Variants in TMED6 observed in about 807,000 individuals in gnomAD.
TMED6 encodes the protein transmembrane emp24 domain-containing protein 6.
A neutral mutation model predicts 26.5 loss-of-function variants in TMED6; 17 were observed. The observed-to-expected ratio is 0.64, with a 90% CI of 0.44 to 0.96. The LOEUF (loss-of-function observed/expected upper bound fraction) is 0.96, where lower values mean the gene tolerates loss of function less well. Ranked by LOEUF, TMED6 falls within the 40% of genes least tolerant of loss-of-function variation. The pLI is 0.00. For synonymous variants in TMED6, 107 were observed against 106.2 expected (o/e 1.01, Z -0.04); for missense variants, 309 against 296.5 (o/e 1.04, Z -0.31).
At chr16:69,346,751 G>A (rs920548149) in intron 3 of TMED6, among the ~76,000 whole-genome samples, 3 of 151,946 alleles carry the variant, frequency 2.0e-5, no homozygotes, top group South Asian at 2.1e-4. Flanking sequence ...GCAAAACTCC[G>A]TCTCAAAAAA....
chr16:69,346,739 G>A (rs2012692837), intron 3 of TMED6, among the ~76,000 whole-genome samples: 1 of 151,928 alleles, frequency 6.6e-6, no homozygotes. Flanking sequence ...CCTGGACAAC[G>A]AGCAAAACTC....
chr16:69,349,501 A>G (rs775467112), intron 2 of TMED6, 24 bp downstream of exon 2: 6 of 1,609,428 alleles, frequency 3.7e-6, no homozygotes, highest in Admixed American at 3.3e-5. Context: ...GATTATTATA[A>G]TAGCCATGGT....
chr16:69,351,071 C>CA (rs1213456348), intron 1 of TMED6, among the ~76,000 whole-genome samples: 2 of 151,898 alleles, frequency 1.3e-5, no homozygotes, highest in Non-Finnish European at 2.9e-5. Flanking sequence ...TGGCCGAATA[C>CA]AAAAAACTTG....
chr16:69,347,852 C>T lies in TMED6; in HGVS notation c.425G>A (p.Gly142Glu). Residue 142 changes from glycine to glutamate, a missense_variant, in exon 3 of 4, where the codon GGG becomes GAG. Coordinates refer to ENST00000288025, the MANE Select transcript of TMED6 (RefSeq NM_144676.4). Reference sequence around the variant, plus strand: ...CTTCTGTTTGTGATCAGTCTCAGGCCCCTCATAGAAGACCCCAAAGTTGAG... The same window carrying T: ...CTTCTGTTTGTGATCAGTCTCAGGCTCCTCATAGAAGACCCCAAAGTTGAG... ...VYLNFGVFYEGPETDHKQKER... is the reference protein window; with the variant it reads ...VYLNFGVFYEEPETDHKQKER... 3.1e-6 allele frequency: 5 copies of T among 1,614,072 alleles called. No homozygotes were observed. The highest frequency in any genetic ancestry group is 4.2e-6 in the Non-Finnish European group (5 of 1,180,014).
intron 2 of TMED6, chr16:69,348,503 G>C (rs1365984203): frequency 6.6e-6 from 1 of 152,648 alleles, no homozygotes; most frequent in Non-Finnish European, 1.5e-5. Context: ...GTGGGAAGGA[G>C]CAAGGTGGAG....
chr16:69,348,331 C>CAA (rs879764191), intron 2 of TMED6: 26 of 148,118 alleles, frequency 1.8e-4, no homozygotes, highest in Non-Finnish European at 2.6e-4. Context: ...TTAGGAAAGA[C>CAA]AAAAAAAAAA....
Position 69,351,570 on chromosome 16 carries a change from G to A in TMED6, c.184C>T (p.Gln62Ter), listed in dbSNP as rs1333303542. 1 of 1,614,104 alleles carries A rather than the reference G, an allele frequency of 6.2e-7. No individual in the cohort carries two copies. Among genetic ancestry groups the A allele is most frequent in the South Asian group, 1.1e-5 (1 of 91,082 alleles). ...GTECFWQFAHQTGYFYFSYEV... is the reference protein window; with the variant it reads ...GTECFWQFAH ...TAACTGAAATAGAAGTATCCAGTCT[G>A]GTGGGCAAATTGCCAAAAGCATTCC... is the stretch of plus-strand genomic sequence containing the variant. Residue 62 changes from glutamine to a stop codon, truncating the protein, a stop_gained, in exon 1 of 4, where the codon CAG becomes TAG. Coordinates refer to ENST00000288025, the MANE Select transcript of TMED6 (RefSeq NM_144676.4). LOFTEE classifies it high-confidence loss of function.
intron 3 of TMED6, among the ~76,000 whole-genome samples, chr16:69,344,215 C>T (rs2012642690): frequency 6.6e-6 from 1 of 152,178 alleles, no homozygotes; most frequent in African/African-American, 2.4e-5. Flanking sequence ...TAGATGTACT[C>T]AGCATGTCGT....
chr16:69,345,793 AG>A (rs34148075), intron 3 of TMED6, among the ~76,000 whole-genome samples: 36,436 of 151,790 alleles, frequency 0.24, 4,581 homozygotes, highest in Middle Eastern at 0.28. Context: ...ATTCTACCTA[AG>A]CCTCCCGAGT....
chr16:69,344,562 C>T (rs1303521233), intron 3 of TMED6, among the ~76,000 whole-genome samples: 1 of 151,684 alleles, frequency 6.6e-6, no homozygotes, highest in Non-Finnish European at 1.5e-5. Context: ...TACCTGAGAT[C>T]AGGAGTTTAA....
Position 69,343,494 on chromosome 16 carries a change from A to T in TMED6, c.636T>A (p.Ile212=), listed in dbSNP as rs2012618580. The T allele has an allele frequency of 6.2e-7, 1 of 1,614,202 alleles. No individual in the cohort carries two copies. Reference sequence around the variant, plus strand: ...ACAGTTGCAGGATCCCAGAAAGAATAATAACAAGGCTCTGGGCTGTCGACC... The same window carrying T: ...ACAGTTGCAGGATCCCAGAAAGAATTATAACAAGGCTCTGGGCTGTCGACC... ...NWWSTAQSLV[I]ILSGILQLYF... The change falls in exon 4 of 4, where the codon ATT becomes ATA. Residue 212 remains isoleucine (I), a synonymous_variant. Coordinates refer to ENST00000288025, the MANE Select transcript of TMED6 (RefSeq NM_144676.4).
intron 1 of TMED6, among the ~76,000 whole-genome samples, chr16:69,350,041 G>A (rs1294457608): frequency 1.3e-5 from 2 of 152,082 alleles, no homozygotes; most frequent in Non-Finnish European, 2.9e-5. Flanking sequence ...GGAGGCCGAG[G>A]TGGGCAGATT....
rs77181689 is a variant in TMED6 at position 69,347,729 on chromosome 16, C to T, written c.489+59G>A. ...TTTCTACCTAAATGAAGTCATCTTCCCTCTGAAGTTAAAAATCAGTTTCCA... is the reference window on the plus strand; with the variant it reads ...TTTCTACCTAAATGAAGTCATCTTCTCTCTGAAGTTAAAAATCAGTTTCCA... On this transcript the variant is annotated intron_variant, in intron 3 of 3. Coordinates refer to ENST00000288025, the MANE Select transcript of TMED6 (RefSeq NM_144676.4). The T allele has an allele frequency of 1.6e-3, 2,641 of 1,601,390 alleles. 2 individuals carry two copies. The highest frequency in any genetic ancestry group is 1.9e-3 in the Non-Finnish European group (2,274 of 1,171,390).
At position 69,350,893 on chromosome 16, in the gene TMED6, C is replaced by T. The variant is rs145891972; in HGVS notation, c.213+648G>A. Among the ~76,000 whole-genome samples, 36 of 152,176 alleles carry T rather than the reference C, an allele frequency of 2.4e-4. No homozygotes were observed. In the East Asian group the frequency reaches 6.7e-3, roughly 29 times the overall value. Reference sequence around the variant, plus strand: ...TGTAAACAAAAATTAGAAAGTTAACCGATTTCTAAGATAAAGAACAAAGGA... The same window carrying T: ...TGTAAACAAAAATTAGAAAGTTAACTGATTTCTAAGATAAAGAACAAAGGA... On this transcript the variant is annotated intron_variant, in intron 1 of 3. Transcript: ENST00000288025.
chr16:69,349,570 A>T lies in TMED6; in HGVS notation c.295T>A (p.Ser99Thr). The change falls in exon 2 of 4, where the codon TCC becomes ACC. Residue 99 changes from serine (S) to threonine (T), a missense_variant. Coordinates refer to ENST00000288025, the MANE Select transcript of TMED6 (RefSeq NM_144676.4). ...TTAATCTGGCCCCGAACACCCTGGG[A>T]GGTGTCTATGAGAAATCCCTGTGGG... ...HNPQGFLIDT[S>T]QGVRGQINFS... The T allele has an allele frequency of 6.2e-7, 1 of 1,613,922 alleles. No individual in the cohort carries two copies. The highest frequency in any genetic ancestry group is 8.5e-7 in the Non-Finnish European group (1 of 1,179,954).
At chr16:69,347,414 A>G (rs1221241030) in intron 3 of TMED6, among the ~76,000 whole-genome samples, 2 of 152,222 alleles carry the variant, frequency 1.3e-5, no homozygotes, top group Non-Finnish European at 2.9e-5. Flanking sequence ...ACTGGAGTGT[A>G]GTGGCGTGAT....
chr16:69,344,175 T>C (rs1211251771), intron 3 of TMED6, among the ~76,000 whole-genome samples: 1 of 152,070 alleles, frequency 6.6e-6, no homozygotes, highest in Non-Finnish European at 1.5e-5. Flanking sequence ...GTACTCAAAC[T>C]AGAGAGCTCT....
At position 69,346,621 on chromosome 16, in the gene TMED6, G is replaced by A. The variant is rs528700963; in HGVS notation, c.489+1167C>T. Among the ~76,000 whole-genome samples the A allele has an allele frequency of 5.3e-5, 8 of 152,146 alleles. No homozygotes were observed. In the South Asian group the frequency reaches 1.5e-3, roughly 28 times the overall value. On this transcript the variant is annotated intron_variant, in intron 3 of 3. Transcript: ENST00000288025. Reference sequence around the variant, plus strand: ...TCTACTAAAAATGCAAAAATTAGCCGGGCATGGTGAGAGGTGCCTGTAATC... The same window carrying A: ...TCTACTAAAAATGCAAAAATTAGCCAGGCATGGTGAGAGGTGCCTGTAATC...
At chr16:69,344,221 G>T (rs1041273094) in intron 3 of TMED6, among the ~76,000 whole-genome samples, 2 of 152,160 alleles carry the variant, frequency 1.3e-5, no homozygotes, top group Non-Finnish European at 2.9e-5. Context: ...TACTCAGCAT[G>T]TCGTTACCAT....
Sources: allele counts gnomAD v4.1 joint callset (sites outside exome capture counted in the v4.1 genomes callset), GRCh38; gene constraint gnomAD v4.1.1; transcripts MANE v1.5; gene names NCBI Gene and HGNC (gene_info 2026-07-23, HGNC 2026-07-21).